Variants in ACSS3 observed in about 807,000 individuals in gnomAD.
ACSS3 encodes the protein acyl-CoA synthetase short-chain family member 3, mitochondrial.
ACSS3 carries 64 observed loss-of-function variants against 84.2 expected under a neutral mutation model. The ratio of observed to expected loss-of-function variants is 0.76; its 90% CI spans 0.62 to 0.94. The LOEUF (loss-of-function observed/expected upper bound fraction) is 0.94, where lower values mean the gene tolerates loss of function less well. ACSS3 is among the 40% of genes least tolerant of loss of function. ACSS3 has a pLI of 0.00. For synonymous variants in ACSS3, 317 were observed against 310.1 expected, an observed-to-expected ratio of 1.02 and a Z score of -0.23; for missense variants, 815 against 867.6, an observed-to-expected ratio of 0.94 and a Z score of 0.76.
At chr12:81,210,763 C>A (rs1364498306) in intron 9 of ACSS3, among the ~76,000 whole-genome samples, 4 of 151,938 alleles carry the variant, frequency 2.6e-5, no homozygotes, top group Non-Finnish European at 4.4e-5. Flanking sequence ...ATAGGTATAC[C>A]GTAGTTCTTG....
intron 5 of ACSS3, among the ~76,000 whole-genome samples, chr12:81,148,361 T>C (rs1047466795): frequency 6.6e-6 from 1 of 152,212 alleles, no homozygotes; most frequent in African/African-American, 2.4e-5. Context: ...TGACAATCTG[T>C]GAGTTTACTT....
At chr12:81,113,885 TGCTCTTGTTA>T (rs1883811258) in intron 2 of ACSS3, among the ~76,000 whole-genome samples, 1 of 152,106 alleles carries the variant, frequency 6.6e-6, no homozygotes, top group Admixed American at 6.6e-5. Context: ...ATTGTATTCT[TGCTCTTGTTA>T]GCTCTTTTCA....
At chr12:81,187,323 T>C (rs935268867) in intron 8 of ACSS3, among the ~76,000 whole-genome samples, 3 of 151,808 alleles carry the variant, frequency 2.0e-5, no homozygotes, top group Admixed American at 1.3e-4. Context: ...TTTCCAACTT[T>C]AGCAACCACC....
chr12:81,193,493 T>C (rs2031680857), intron 8 of ACSS3, among the ~76,000 whole-genome samples: 1 of 152,072 alleles, frequency 6.6e-6, no homozygotes. Flanking sequence ...TTTAGTCTTG[T>C]GTTCAATTTT....
intron 11 of ACSS3, among the ~76,000 whole-genome samples, chr12:81,222,910 C>T (rs566800668): frequency 1.1e-3 from 161 of 152,080 alleles, no homozygotes; most frequent in Non-Finnish European, 1.8e-3. Context: ...TTAGAAAATT[C>T]TTTTGATTTG....
At chr12:81,205,087 C>T (rs565739268) in intron 9 of ACSS3, among the ~76,000 whole-genome samples, 1 of 152,206 alleles carries the variant, frequency 6.6e-6, no homozygotes, top group East Asian at 1.9e-4. Flanking sequence ...TTAATTGTAA[C>T]TGCAGTTCTG....
chr12:81,118,250 AT>A (rs1440709482), intron 2 of ACSS3, among the ~76,000 whole-genome samples: 3 of 152,126 alleles, frequency 2.0e-5, no homozygotes, highest in Non-Finnish European at 4.4e-5. Context: ...TAGTGGCTTA[AT>A]TTTTTAAATA....
intron 9 of ACSS3, 73 bp from the exon 10 acceptor site, chr12:81,216,828 G>C: frequency 8.1e-7 from 1 of 1,236,014 alleles, no homozygotes; most frequent in Non-Finnish European, 1.2e-6. Flanking sequence ...GTGGGGTAGA[G>C]TGTGCATGTA....
intron 4 of ACSS3, among the ~76,000 whole-genome samples, 183 bp from the exon 5 acceptor site, chr12:81,142,924 A>G (rs1182054251): frequency 1.3e-5 from 2 of 152,128 alleles, no homozygotes; most frequent in Admixed American, 1.3e-4. Context: ...AAACTTTTGG[A>G]CTTTTTATAA....
chr12:81,160,131 A>G (rs943831329), intron 7 of ACSS3, among the ~76,000 whole-genome samples: 1 of 152,210 alleles, frequency 6.6e-6, no homozygotes, highest in African/African-American at 2.4e-5. Context: ...TTCTCCTTAA[A>G]TCCGGCTTTA....
At chr12:81,187,174 G>A (rs1322431941) in intron 8 of ACSS3, among the ~76,000 whole-genome samples, 1 of 151,472 alleles carries the variant, frequency 6.6e-6, no homozygotes, top group Non-Finnish European at 1.5e-5. Context: ...CAAAAATACA[G>A]ATATACAGAA....
chr12:81,083,710 G>A (rs111809732), intron 1 of ACSS3, among the ~76,000 whole-genome samples: 11,808 of 151,866 alleles, frequency 0.078, 608 homozygotes, highest in South Asian at 0.13. Context: ...AGCAGCTCAC[G>A]CATGTAATCT....
intron 2 of ACSS3, among the ~76,000 whole-genome samples, chr12:81,120,629 T>G (rs2121533885): frequency 6.6e-6 from 1 of 152,282 alleles, no homozygotes; most frequent in South Asian, 2.1e-4. Flanking sequence ...CTGAAATAGA[T>G]AAATACATAG....
chr12:81,150,311 A>G (rs1286552436), intron 5 of ACSS3, among the ~76,000 whole-genome samples: 1 of 152,222 alleles, frequency 6.6e-6, no homozygotes, highest in Admixed American at 6.5e-5. Context: ...TAACACATGG[A>G]CAGCATATTG....
intron 7 of ACSS3, among the ~76,000 whole-genome samples, chr12:81,170,437 A>G (rs542718002): frequency 1.3e-5 from 2 of 152,284 alleles, no homozygotes; most frequent in East Asian, 1.9e-4. Flanking sequence ...TTGATGTTTT[A>G]TAAATCTCTG....
chr12:81,098,745 T>A (rs1254122885), intron 1 of ACSS3, among the ~76,000 whole-genome samples: 4 of 152,242 alleles, frequency 2.6e-5, no homozygotes, highest in Admixed American at 1.3e-4. Context: ...CGAACTCTAG[T>A]CTGTTGGCCT....
chr12:81,124,160 T>C (rs900141714), intron 2 of ACSS3, among the ~76,000 whole-genome samples: 1 of 152,196 alleles, frequency 6.6e-6, no homozygotes, highest in Non-Finnish European at 1.5e-5. Flanking sequence ...TGTTGTTTTT[T>C]GATTTTTTAA....
chr12:81,248,373 A>G (rs983622266), intron 13 of ACSS3, among the ~76,000 whole-genome samples: 4 of 152,070 alleles, frequency 2.6e-5, no homozygotes, highest in African/African-American at 9.6e-5. Context: ...ATACTTGGCC[A>G]TAAAGAAATA....
intron 13 of ACSS3, among the ~76,000 whole-genome samples, chr12:81,248,304 A>C (rs1209876981): frequency 1.3e-5 from 2 of 152,066 alleles, no homozygotes; most frequent in Non-Finnish European, 2.9e-5. Context: ...GAATCAACCT[A>C]AGCGATCATC....
Sources: allele counts gnomAD v4.1 joint callset (sites outside exome capture counted in the v4.1 genomes callset), GRCh38; gene constraint gnomAD v4.1.1; transcripts MANE v1.5; gene names NCBI Gene and HGNC (gene_info 2026-07-23, HGNC 2026-07-21).